The following MEIS2 variants were observed in gnomAD, a reference collection of about 807,000 sequenced individuals.
MEIS2 encodes homeobox protein Meis2.
In MEIS2, 9 loss-of-function variants were observed where a neutral mutation model predicts 58.6. The ratio of observed to expected loss-of-function variants is 0.15; its 90% CI spans 0.09 to 0.27. MEIS2 has a LOEUF of 0.27. MEIS2 is among the 10% of genes least tolerant of loss of function. The probability of loss-of-function intolerance (pLI) is 1.00; values close to 1 mark genes in which losing one functional copy is unlikely to be tolerated. For synonymous variants in MEIS2, 221 were observed against 228.4 expected, an observed-to-expected ratio of 0.97 and a Z score of 0.29; for missense variants, 427 against 635.0, an observed-to-expected ratio of 0.67 and a Z score of 3.52.
In MEIS2 at chr15:36,960,609, C is replaced by G. The variant is rs571576023; in HGVS notation, c.901-10209G>C. ...GCATTAGGAACTTGGCTGAAAGGTT[C>G]AGAACTACTTTCTTTTTCTAACATA... On this transcript the variant is annotated intron_variant, in intron 8 of 11. Transcript: ENST00000561208. 3.9e-5 allele frequency among the ~76,000 whole-genome samples: 6 copies of G among 152,200 alleles called. No homozygotes were observed. In the East Asian group the frequency reaches 1.2e-3, roughly 29 times the overall value.
In MEIS2 at chr15:36,890,214, G is replaced by A. The variant is rs2055797034; in HGVS notation, c.*1959C>T. On this transcript the variant is annotated 3_prime_UTR_variant, in exon 12 of 12. Transcript: ENST00000561208. ...CTAAACAAAGATTCAAAATTTAAGA[G>A]TTAAAAAATTCCAGGATAGTATATT... 6.6e-6 allele frequency: 1 copy of A among 152,118 alleles called. No individual in the cohort carries two copies. Among genetic ancestry groups the A allele is most frequent in the Admixed American group, 6.5e-5 (1 of 15,280 alleles). The allele number at this position is 152,118 out of a possible 1,614,324, so 9.4% of individuals were successfully genotyped here.
chr15:37,054,041 C>T (rs192431293), intron 7 of MEIS2, among the ~76,000 whole-genome samples: 2 of 152,302 alleles, frequency 1.3e-5, no homozygotes, highest in East Asian at 3.9e-4. Flanking sequence ...CTTGCCTTGC[C>T]TGTAGCACTT....
rs1157352169 is a variant in MEIS2 at position 37,100,087 on chromosome 15, C to A, written c.-621G>T. 1 of 146,804 alleles carries A rather than the reference C, an allele frequency of 6.8e-6. No homozygotes were observed. Among genetic ancestry groups the A allele is most frequent in the African/African-American group, 2.5e-5 (1 of 39,880 alleles). 9.1% of individuals were successfully genotyped at this position (146,804 alleles called of 1,614,324 possible). On this transcript the variant is annotated 5_prime_UTR_variant, in exon 1 of 12. Coordinates refer to ENST00000561208, the MANE Select transcript of MEIS2 (RefSeq NM_170675.5). ...CTTGAATTTTTTCCTCCCCCCTCCC[C>A]CCTTTTTTAGCTTTGCCCCCGCGGT...
At chr15:36,943,895 TA>T (rs1215147969) in intron 9 of MEIS2, among the ~76,000 whole-genome samples, 16 of 152,016 alleles carry the variant, frequency 1.1e-4, no homozygotes, top group Admixed American at 1.1e-3. Flanking sequence ...TTACCACTTT[TA>T]AAAGGCTCTT....
chr15:36,945,320 G>T lies in MEIS2; in HGVS notation c.977+5004C>A, dbSNP rs180897841. Among the ~76,000 whole-genome samples the T allele has an allele frequency of 1.5e-3, 231 of 152,100 alleles. 1 individual carries two copies. Among genetic ancestry groups the T allele is most frequent in the African/African-American group, 5.1e-3 (211 of 41,516 alleles). Reference sequence around the variant, plus strand: ...GGAGGCAAATGATTGCTTTCCTTAGGCTACCACTCAGTTCCTGTCCATATT... The same window carrying T: ...GGAGGCAAATGATTGCTTTCCTTAGTCTACCACTCAGTTCCTGTCCATATT... On this transcript the variant is annotated intron_variant, in intron 9 of 11. Transcript: ENST00000561208.
intron 7 of MEIS2, among the ~76,000 whole-genome samples, chr15:37,051,379 GATTTCAAATAT>G (rs2062912865): frequency 6.6e-6 from 1 of 152,130 alleles, no homozygotes. Flanking sequence ...CATACTGTAT[GATTTCAAATAT>G]ATTAAATTCT....
chr15:37,065,111 T>A (rs181786769), intron 7 of MEIS2, among the ~76,000 whole-genome samples: 6 of 152,274 alleles, frequency 3.9e-5, no homozygotes, highest in African/African-American at 1.4e-4. Context: ...AGTACTTACA[T>A]AGTCTCAATT....
At chr15:37,044,585 C>T (rs1193699138) in intron 7 of MEIS2, among the ~76,000 whole-genome samples, 1 of 152,102 alleles carries the variant, frequency 6.6e-6, no homozygotes, top group African/African-American at 2.4e-5. Flanking sequence ...GCCTTGAATG[C>T]CCTTTCTCTT....
chr15:37,099,472 T>C lies in MEIS2; in HGVS notation c.-6A>G. On this transcript the variant is annotated 5_prime_UTR_variant, in exon 1 of 12. Coordinates refer to ENST00000561208, the MANE Select transcript of MEIS2 (RefSeq NM_170675.5). ...AAACCTACCCTTTGCGCCATCAGTCTGCGCTCCAATAAACTCCTGGATGTG... is the reference window on the plus strand; with the variant it reads ...AAACCTACCCTTTGCGCCATCAGTCCGCGCTCCAATAAACTCCTGGATGTG... 6.2e-7 allele frequency: 1 copy of C among 1,614,078 alleles called. No individual in the cohort carries two copies. The highest frequency in any genetic ancestry group is 8.5e-7 in the Non-Finnish European group (1 of 1,180,016).
chr15:36,974,322 A>G lies in MEIS2; in HGVS notation c.901-23922T>C, dbSNP rs558867466. Among the ~76,000 whole-genome samples the G allele has an allele frequency of 1.2e-4, 18 of 152,296 alleles. 1 individual carries two copies. Among genetic ancestry groups the G allele is most frequent in the South Asian group, 1.0e-3 (5 of 4,826 alleles). On this transcript the variant is annotated intron_variant, in intron 8 of 11. Coordinates refer to ENST00000561208, the MANE Select transcript of MEIS2 (RefSeq NM_170675.5). Reference sequence around the variant, plus strand: ...GTTTATTTTTTCTTTCCATCGAGCCACAGAAGTTGACCCCAGTAAGACCAT... The same window carrying G: ...GTTTATTTTTTCTTTCCATCGAGCCGCAGAAGTTGACCCCAGTAAGACCAT...
intron 7 of MEIS2, among the ~76,000 whole-genome samples, chr15:37,057,779 C>T (rs1387542506): frequency 6.6e-6 from 1 of 151,850 alleles, no homozygotes; most frequent in Non-Finnish European, 1.5e-5. Context: ...ACTTTGTTTT[C>T]ACAGAGAACA....
chr15:37,076,061 A>G (rs530277627), intron 7 of MEIS2, among the ~76,000 whole-genome samples: 80 of 152,166 alleles, frequency 5.3e-4, no homozygotes, highest in African/African-American at 1.7e-3. Context: ...GAATAACTCA[A>G]GACTACCGAG....
rs1401881711 is a variant in MEIS2 at position 37,036,846 on chromosome 15, T to C, written c.868A>G (p.Ile290Val). The C allele has an allele frequency of 6.2e-7, 1 of 1,614,140 alleles. No homozygotes were observed. Among genetic ancestry groups the C allele is most frequent in the Non-Finnish European group, 8.5e-7 (1 of 1,180,010 alleles). ...RGIFPKVATN[I>V]MRAWLFQHLT... ...TGCTGGAAGAGCCATGCTCTCATGA[T>C]ATTTGTTGCTACTTTGGGGAAAATG... The change falls in exon 8 of 12, where the codon ATC becomes GTC. Residue 290 changes from isoleucine to valine, a missense_variant. Physicochemically the swap from Ile to Val is conservative, Grantham distance 29. Transcript: ENST00000561208.
intron 8 of MEIS2, among the ~76,000 whole-genome samples, chr15:36,993,002 T>G (rs1226001355): frequency 2.0e-5 from 3 of 152,144 alleles, no homozygotes; most frequent in Non-Finnish European, 4.4e-5. Context: ...AATGAAAAGT[T>G]AAATACCCTG....
chr15:36,894,823 G>A (rs375970212), intron 11 of MEIS2: 7 of 1,599,208 alleles, frequency 4.4e-6, no homozygotes, highest in Non-Finnish European at 6.0e-6. Context: ...CTAGAAAGGA[G>A]ATAAAATCCA....
Position 37,067,158 on chromosome 15 carries a change from C to T in MEIS2, c.754+16613G>A, listed in dbSNP as rs150185997. 6.0e-3 allele frequency among the ~76,000 whole-genome samples: 894 copies of T among 149,024 alleles called. 10 individuals carry two copies. Among genetic ancestry groups the T allele is most frequent in the African/African-American group, 0.02 (817 of 40,358 alleles). ...AGGCTGGAGTGCAGTGGCATGATCT[C>T]GGCTCACTGCAACCTCCATCTCCTG... On this transcript the variant is annotated intron_variant, in intron 7 of 11. Coordinates refer to ENST00000561208, the MANE Select transcript of MEIS2 (RefSeq NM_170675.5).
At chr15:37,083,064 T>C (rs1892442304) in intron 7 of MEIS2, among the ~76,000 whole-genome samples, 1 of 152,194 alleles carries the variant, frequency 6.6e-6, no homozygotes, top group South Asian at 2.1e-4. Flanking sequence ...ATTTTAGCCA[T>C]AGATGAGTCA....
At chr15:36,895,112 C>T (rs2056102228) in intron 11 of MEIS2, 39 bp downstream of exon 11, 4 of 1,558,164 alleles carry the variant, frequency 2.6e-6, no homozygotes, top group Non-Finnish European at 3.5e-6. Context: ...GCAGGTGGCA[C>T]TTCCCAGGGA....
chr15:36,895,158 C>T lies in MEIS2; in HGVS notation c.1140G>A (p.Arg380=), dbSNP rs1264614331. The change falls in exon 11 of 12, where the codon CGG becomes CGA. Residue 380 remains arginine, a synonymous_variant. Coordinates refer to ENST00000561208, the MANE Select transcript of MEIS2 (RefSeq NM_170675.5). ...CGGGATGAGCCAACCTACCTGCAGG[C>T]CGGATCCCCATGTGTTGCTGACCAT... ...VLDGQQHMGI[R]PAGLQSMPGD... The T allele has an allele frequency of 1.2e-6, 2 of 1,613,582 alleles. No homozygotes were observed. Among genetic ancestry groups the T allele is most frequent in the Non-Finnish European group, 8.5e-7 (1 of 1,179,908 alleles).
Sources: allele counts gnomAD v4.1 joint callset (sites outside exome capture counted in the v4.1 genomes callset), GRCh38; gene constraint gnomAD v4.1.1; transcripts MANE v1.5; gene names NCBI Gene and HGNC (gene_info 2026-07-23, HGNC 2026-07-21).